CNKSR3: variants seen among roughly 807,000 people sequenced by gnomAD.
CNKSR3 encodes CNKSR family member 3, also known as connector enhancer of kinase suppressor of ras 3.
In CNKSR3, 36 loss-of-function variants were observed where a neutral mutation model predicts 67.7. That is an observed-to-expected ratio of 0.53 (90% CI 0.41 to 0.70). CNKSR3 has a LOEUF of 0.70. CNKSR3 is among the 30% of genes least tolerant of loss of function. The pLI is 0.00. For synonymous variants in CNKSR3, 281 were observed against 271.4 expected (o/e 1.04, Z -0.35); for missense variants, 630 against 695.2 (o/e 0.91, Z 1.05).
intron 1 of CNKSR3, among the ~76,000 whole-genome samples, chr6:154,469,536 C>T (rs553782251): frequency 1.6e-4 from 25 of 152,284 alleles, no homozygotes; most frequent in Non-Finnish European, 2.6e-4. Context: ...AACAGTGGGA[C>T]GATGACACCA....
chr6:154,434,997 T>A (rs1316299176), intron 4 of CNKSR3, among the ~76,000 whole-genome samples: 1 of 45,476 alleles, frequency 2.2e-5, no homozygotes, highest in Non-Finnish European at 6.7e-5. Flanking sequence ...TACAAATTCC[T>A]TTTTTTTTTT....
chr6:154,451,593 T>C (rs1785834680), intron 1 of CNKSR3, among the ~76,000 whole-genome samples: 1 of 152,208 alleles, frequency 6.6e-6, no homozygotes, highest in African/African-American at 2.4e-5. Context: ...CCTGTGTCAG[T>C]GGGTATTTCT....
In CNKSR3 at chr6:154,410,412, T is replaced by C. The variant is rs777324452; in HGVS notation, c.1300A>G (p.Met434Val). 2 of 1,614,024 alleles carry C rather than the reference T, an allele frequency of 1.2e-6. No individual in the cohort carries two copies. The highest frequency in any genetic ancestry group is 1.7e-6 in the Non-Finnish European group (2 of 1,179,912). The change falls in exon 12 of 13, where the codon ATG becomes GTG. Residue 434 changes from methionine (M) to valine (V), a missense_variant. By Grantham distance (21) the Met-to-Val change is conservative (BLOSUM62 1). Around this residue, in one of 3 missense-constraint regions of CNKSR3, gnomAD observed 308 missense variants for 299.6 expected, o/e 1.03. Transcript: ENST00000607772. ...PSYGKPRPLS[M>V]PADGNWMGIV... ...CCCATCCAGTTCCCATCAGCAGGCA[T>C]GGACAAAGGCCGTGGCTTGCCTTCA... is the stretch of plus-strand genomic sequence containing the variant.
chr6:154,478,036 G>GT (rs1786489553), intron 1 of CNKSR3, among the ~76,000 whole-genome samples: 1 of 152,188 alleles, frequency 6.6e-6, no homozygotes, highest in Non-Finnish European at 1.5e-5. Context: ...AGGGCAGGCG[G>GT]TAAGTGCTTG....
At chr6:154,494,472 AT>A (rs2114652559) in intron 1 of CNKSR3, among the ~76,000 whole-genome samples, 1 of 152,360 alleles carries the variant, frequency 6.6e-6, no homozygotes, top group South Asian at 2.1e-4. Flanking sequence ...AAAATCAGAC[AT>A]GAGAAATTAG....
chr6:154,470,188 C>CTTTTTTTTTTTTTTTT (rs869154714), intron 1 of CNKSR3, among the ~76,000 whole-genome samples: 1 of 68,724 alleles, frequency 1.5e-5, no homozygotes, highest in Non-Finnish European at 2.6e-5. Context: ...ACTTTCTTTC[C>CTTTTTTTTTTTTTTTT]TTTTTTTTTT....
chr6:154,389,723 C>A lies in CNKSR3; in HGVS notation c.*16631G>T, dbSNP rs1193127853. 1 of 152,106 alleles carries A rather than the reference C, an allele frequency of 6.6e-6. No homozygotes were observed. The highest frequency in any genetic ancestry group is 2.1e-4 in the South Asian group (1 of 4,826). 9.4% of individuals were successfully genotyped at this position (152,106 alleles called of 1,614,324 possible). ...AGTTGCATAATACAAAATCAACATA[C>A]AAAAATCAGTTGCGATTTCTATACA... is the stretch of plus-strand genomic sequence containing the variant. On this transcript the variant is annotated 3_prime_UTR_variant, in exon 13 of 13. Transcript: ENST00000607772.
intron 2 of CNKSR3, among the ~76,000 whole-genome samples, chr6:154,446,802 CTT>C (rs765120948): frequency 0.038 from 4,621 of 120,296 alleles, 135 homozygotes; most frequent in East Asian, 0.18. Flanking sequence ...TCATACTTAT[CTT>C]TTTTTTTTTT....
At chr6:154,411,647 A>G (rs1784914623) in intron 10 of CNKSR3, among the ~76,000 whole-genome samples, 1 of 151,554 alleles carries the variant, frequency 6.6e-6, no homozygotes, top group East Asian at 1.9e-4. Context: ...AAAAAAAAAA[A>G]AAAAAAAGAA....
chr6:154,424,985 T>A (rs1263445992), intron 7 of CNKSR3, among the ~76,000 whole-genome samples: 1 of 152,236 alleles, frequency 6.6e-6, no homozygotes, highest in Non-Finnish European at 1.5e-5. Flanking sequence ...TTGGCCAGGC[T>A]GATCTTGAAC....
At chr6:154,500,718 T>C (rs1377841410) in intron 1 of CNKSR3, among the ~76,000 whole-genome samples, 1 of 152,224 alleles carries the variant, frequency 6.6e-6, no homozygotes, top group African/African-American at 2.4e-5. Flanking sequence ...GGGCAAAATA[T>C]TTTAAGTCAG....
At chr6:154,506,008 A>C (rs1787095439) in intron 1 of CNKSR3, among the ~76,000 whole-genome samples, 1 of 152,192 alleles carries the variant, frequency 6.6e-6, no homozygotes, top group Admixed American at 6.5e-5. Flanking sequence ...ACCTCATATA[A>C]GTTCAGATTT....
intron 1 of CNKSR3, among the ~76,000 whole-genome samples, chr6:154,456,350 A>T (rs1056397581): frequency 6.6e-6 from 1 of 151,606 alleles, no homozygotes; most frequent in African/African-American, 2.4e-5. Flanking sequence ...AAATTCAGAA[A>T]TCAGTTTAGC....
intron 6 of CNKSR3, 70 bp downstream of exon 6, chr6:154,430,402 A>AT: frequency 2.8e-6 from 4 of 1,440,474 alleles, no homozygotes; most frequent in Non-Finnish European, 3.8e-6. Flanking sequence ...GCAATAAGGA[A>AT]TTTTTTTAAA....
At chr6:154,441,591 C>A (rs932945517) in intron 3 of CNKSR3, among the ~76,000 whole-genome samples, 5 of 152,200 alleles carry the variant, frequency 3.3e-5, no homozygotes, top group African/African-American at 1.2e-4. Flanking sequence ...TCAAGCAACT[C>A]TCCTGCCTCA....
At chr6:154,429,598 T>C (rs1785323255) in intron 6 of CNKSR3, among the ~76,000 whole-genome samples, 1 of 152,232 alleles carries the variant, frequency 6.6e-6, no homozygotes, top group Non-Finnish European at 1.5e-5. Context: ...TGCATTTTTC[T>C]GCTCACTAAG....
chr6:154,446,414 A>G (rs1785707285), intron 2 of CNKSR3, among the ~76,000 whole-genome samples: 1 of 152,202 alleles, frequency 6.6e-6, no homozygotes, highest in Admixed American at 6.5e-5. Flanking sequence ...AACCTAAGAA[A>G]TATAGTTCAC....
rs1476054688 is a variant in CNKSR3, at chr6:154,398,118, C to T, written c.*8236G>A. The T allele has an allele frequency of 1.3e-5, 2 of 152,258 alleles. No individual in the cohort carries two copies. The highest frequency in any genetic ancestry group is 4.8e-5 in the African/African-American group (2 of 41,448). The allele number at this position is 152,258 out of a possible 1,614,324, so 9.4% of individuals were successfully genotyped here. A position where few individuals can be genotyped will look rare whatever the true frequency, so the allele number is the denominator to read the frequency against. ...GAGGACACAATCACAAGAGCCAAAG[C>T]AGGGAAGGGGCAGGGAAAAAGTGGA... On this transcript the variant is annotated 3_prime_UTR_variant, in exon 13 of 13. Transcript: ENST00000607772.
chr6:154,435,168 G>C (rs1326849108), intron 4 of CNKSR3, among the ~76,000 whole-genome samples: 1 of 151,814 alleles, frequency 6.6e-6, no homozygotes, highest in African/African-American at 2.4e-5. Flanking sequence ...GCTAATTTTT[G>C]TATTCTTTGT....
Sources: allele counts gnomAD v4.1 joint callset (sites outside exome capture counted in the v4.1 genomes callset), GRCh38; gene constraint gnomAD v4.1.1; regional missense constraint gnomAD v4.1.1; transcripts MANE v1.5; gene names NCBI Gene and HGNC (gene_info 2026-07-23, HGNC 2026-07-21).